LAMTOR2: variants seen among roughly 807,000 people sequenced by gnomAD.
LAMTOR2 encodes ragulator complex protein LAMTOR2.
Under a neutral mutation model 15.8 loss-of-function variants are expected in LAMTOR2, and 4 were observed. That is an observed-to-expected ratio of 0.25 (90% CI 0.12 to 0.58). The LOEUF (loss-of-function observed/expected upper bound fraction) is 0.58, where lower values mean the gene tolerates loss of function less well. Ranked by LOEUF, LAMTOR2 falls within the 20% of genes least tolerant of loss-of-function variation. LAMTOR2 has a pLI of 0.91. For synonymous variants in LAMTOR2, 62 were observed against 64.1 expected (o/e 0.97, Z 0.15); for missense variants, 100 against 161.0 (o/e 0.62, Z 2.05).
rs1331437745 is a variant in LAMTOR2, at chr1:156,058,417, G to C, written c.*46G>C. 1 of 1,605,780 alleles carries C rather than the reference G, an allele frequency of 6.2e-7. No individual in the cohort carries two copies. On this transcript the variant is annotated 3_prime_UTR_variant, in exon 4 of 4. Transcript: ENST00000368305. Reference sequence around the variant, plus strand: ...GTCAGAAAAGAGAAATGACCATTTGGAGGGGCGGGGCCTCCTAGAAGAACC... The same window carrying C: ...GTCAGAAAAGAGAAATGACCATTTGCAGGGGCGGGGCCTCCTAGAAGAACC...
chr1:156,057,921 G>A, intron 2 of LAMTOR2, 57 bp from the exon 3 acceptor site: 1 of 1,498,300 alleles, frequency 6.7e-7, no homozygotes, highest in East Asian at 2.3e-5. Context: ...CTTTGGGGAA[G>A]GAGGGTGCTA....
At position 156,055,288 on chromosome 1, in the gene LAMTOR2, C is replaced by T. The variant is rs1647305446; in HGVS notation, c.94C>T (p.Leu32=). ...GCTGCTGAATAACGAGGGATCACTG[C>T]TGGCCTACTCTGGTTACGGGGACAC... The part of the protein sequence containing the change: ...TLLLNNEGSL[L]AYSGYGDTDA... Residue 32 remains leucine (L), a synonymous_variant, in exon 2 of 4, where the codon CTG becomes TTG. Coordinates refer to ENST00000368305, the MANE Select transcript of LAMTOR2 (RefSeq NM_014017.4). This position sits in a 1 kb window ranked among gnomAD's most constrained non-coding sequence, Gnocchi z 4.8. 31 of 1,614,174 alleles carry T rather than the reference C, an allele frequency of 1.9e-5. No homozygotes were observed. Among genetic ancestry groups the T allele is most frequent in the Non-Finnish European group, 2.6e-5 (31 of 1,180,036 alleles).
Position 156,058,441 on chromosome 1 carries a change from C to G in LAMTOR2, c.*70C>G, listed in dbSNP as rs774611312. On this transcript the variant is annotated 3_prime_UTR_variant, in exon 4 of 4. Coordinates refer to ENST00000368305, the MANE Select transcript of LAMTOR2 (RefSeq NM_014017.4). ...GGAGGGGCGGGGCCTCCTAGAAGAA[C>G]CTTCTTAGACAATGGGGGGAGGATG... 1.3e-6 allele frequency: 2 copies of G among 1,527,978 alleles called. No individual in the cohort carries two copies. Among genetic ancestry groups the G allele is most frequent in the Non-Finnish European group, 1.8e-6 (2 of 1,102,606 alleles). The allele number at this position is 1,527,978 out of a possible 1,614,324, so 94.7% of individuals were successfully genotyped here.
intron 3 of LAMTOR2, 95 bp from the exon 4 acceptor site, chr1:156,058,220 G>A (rs1647435897): frequency 3.9e-6 from 6 of 1,556,036 alleles, no homozygotes; most frequent in Admixed American, 1.7e-5. Flanking sequence ...GGGGGTTGGG[G>A]GCTGGTTGCT....
chr1:156,057,499 A>G (rs1647415291), intron 2 of LAMTOR2, among the ~76,000 whole-genome samples: 1 of 134,576 alleles, frequency 7.4e-6, no homozygotes, highest in Non-Finnish European at 1.5e-5. Flanking sequence ...AATGCTGATC[A>G]ACCTTCTTAA....
chr1:156,058,171 C>T, intron 3 of LAMTOR2, 104 bp downstream of exon 3: 1 of 1,490,998 alleles, frequency 6.7e-7, no homozygotes, highest in Non-Finnish European at 9.4e-7. Flanking sequence ...CATGTCTACT[C>T]AGTCCATTTC....
At position 156,058,102 on chromosome 1, in the gene LAMTOR2, C is replaced by T. The variant is rs199671162; in HGVS notation, c.321+35C>T. The T allele has an allele frequency of 2.4e-5, 38 of 1,599,104 alleles. No homozygotes were observed. In the African/African-American group the frequency reaches 4.6e-4, roughly 19 times the overall value. On this transcript the variant is annotated intron_variant, in intron 3 of 3. Coordinates refer to ENST00000368305, the MANE Select transcript of LAMTOR2 (RefSeq NM_014017.4). Reference sequence around the variant, plus strand: ...TGCCCATCCCTCCATAGCCCTGGGCCCAGCCTTCGTGCTTCTACACTGTGT... The same window carrying T: ...TGCCCATCCCTCCATAGCCCTGGGCTCAGCCTTCGTGCTTCTACACTGTGT...
Position 156,058,318 on chromosome 1 carries a change from C to T in LAMTOR2, c.325C>T (p.Gln109Ter). The T allele has an allele frequency of 6.2e-7, 1 of 1,614,102 alleles. No homozygotes were observed. Among genetic ancestry groups the T allele is most frequent in the Middle Eastern group, 1.6e-4 (1 of 6,062 alleles). The stretch of plus-strand genomic sequence containing the variant: ...GATCTCTGTTCTCCCTCTGCAGGCC[C>T]AGGCTTTGGTGCAGTACCTGGAGGA... ...VGFGMLKAKA[Q>*]ALVQYLEEPL... is the part of the protein sequence containing the mutation. Residue 109 changes from glutamine to a stop codon, truncating the protein, a stop_gained, in exon 4 of 4, where the codon CAG becomes TAG. Coordinates refer to ENST00000368305, the MANE Select transcript of LAMTOR2 (RefSeq NM_014017.4). LOFTEE classifies it high-confidence loss of function.
At chr1:156,056,715 G>C (rs2102764789) in intron 2 of LAMTOR2, among the ~76,000 whole-genome samples, 1 of 152,220 alleles carries the variant, frequency 6.6e-6, no homozygotes, top group South Asian at 2.1e-4. Context: ...TTGGCCAGAA[G>C]GTGAACTCTC....
intron 2 of LAMTOR2, among the ~76,000 whole-genome samples, chr1:156,056,817 G>A (rs1382400050): frequency 1.3e-5 from 2 of 152,142 alleles, no homozygotes; most frequent in East Asian, 1.9e-4. Flanking sequence ...GACTCCTACT[G>A]GATGCCTAGA....
rs756924781 is a variant in LAMTOR2 at position 156,058,364 on chromosome 1, C to T, written c.371C>T (p.Ala124Val). ...YLEEPLTQVAAS is the reference protein window; with the variant it reads ...YLEEPLTQVAVS ...GAGGAGCCCCTCACCCAAGTGGCGGCATCTTAACGGCATTGGTGGAAGCTG... is the reference window on the plus strand; with the variant it reads ...GAGGAGCCCCTCACCCAAGTGGCGGTATCTTAACGGCATTGGTGGAAGCTG... The change falls in exon 4 of 4, where the codon GCA becomes GTA. Residue 124 changes from alanine to valine, a missense_variant. Physicochemically the swap from Ala to Val is moderately conservative, Grantham distance 64 (BLOSUM62 0). Transcript: ENST00000368305. 3.1e-6 allele frequency: 5 copies of T among 1,614,036 alleles called. No individual in the cohort carries two copies. The highest frequency in any genetic ancestry group is 4.2e-6 in the Non-Finnish European group (5 of 1,179,980).
intron 2 of LAMTOR2, among the ~76,000 whole-genome samples, chr1:156,056,681 GA>G (rs1465811719): frequency 6.6e-6 from 1 of 152,120 alleles, no homozygotes; most frequent in Non-Finnish European, 1.5e-5. Flanking sequence ...AAAGTTTGCT[GA>G]ACTTACTTTT....
intron 3 of LAMTOR2, 82 bp from the exon 4 acceptor site, chr1:156,058,233 C>G: frequency 6.3e-7 from 1 of 1,591,342 alleles, no homozygotes; most frequent in Non-Finnish European, 8.6e-7. Flanking sequence ...TGGTTGCTTC[C>G]TATGGCACTG....
rs552090098 is a variant in LAMTOR2, at chr1:156,058,339, G to A, written c.346G>A (p.Glu116Lys). Residue 116 changes from glutamate to lysine, a missense_variant, in exon 4 of 4, where the codon GAG (glutamate) becomes AAG (lysine). By Grantham distance (56) the Glu-to-Lys change is moderately conservative. Transcript: ENST00000368305. ...GGCCCAGGCTTTGGTGCAGTACCTG[G>A]AGGAGCCCCTCACCCAAGTGGCGGC... Reference protein sequence around the residue: ...AKAQALVQYLEEPLTQVAAS With the variant: ...AKAQALVQYLKEPLTQVAAS The A allele has an allele frequency of 3.7e-6, 6 of 1,614,102 alleles. No individual in the cohort carries two copies. In the South Asian group the frequency reaches 6.6e-5, roughly 18 times the overall value.
chr1:156,056,451 A>G (rs1647368746), intron 2 of LAMTOR2, among the ~76,000 whole-genome samples: 1 of 152,172 alleles, frequency 6.6e-6, no homozygotes, highest in Non-Finnish European at 1.5e-5. Context: ...CAATGATCTG[A>G]AGAAAGGTGG....
chr1:156,055,175 A>T lies in LAMTOR2; in HGVS notation c.69-88A>T. The T allele has an allele frequency of 5.8e-6, 9 of 1,560,386 alleles. No individual in the cohort carries two copies. The highest frequency in any genetic ancestry group is 7.0e-6 in the Non-Finnish European group (8 of 1,138,368). On this transcript the variant is annotated intron_variant, in intron 1 of 3. Coordinates refer to ENST00000368305, the MANE Select transcript of LAMTOR2 (RefSeq NM_014017.4). The surrounding 1 kb of genome is among the most constrained non-coding windows in gnomAD (Gnocchi z 4.8). The stretch of plus-strand genomic sequence containing the variant: ...CACGCTCAGGCCAGAGCCTTGCTGG[A>T]TGTGCCCTTGGTGGGACTTGGGATG...
Position 156,055,499 on chromosome 1 carries a change from G to A in LAMTOR2, c.231+74G>A, listed in dbSNP as rs1036203088. The stretch of plus-strand genomic sequence containing the variant: ...AGGGGGCGACCTGGACCCCATCCTG[G>A]ATGGTTGGAGGGGCAGGGACAGGAT... On this transcript the variant is annotated intron_variant, in intron 2 of 3. Coordinates refer to ENST00000368305, the MANE Select transcript of LAMTOR2 (RefSeq NM_014017.4). This position sits in a 1 kb window ranked among gnomAD's most constrained non-coding sequence, Gnocchi z 4.8. 12 of 1,563,562 alleles carry A rather than the reference G, an allele frequency of 7.7e-6. No individual in the cohort carries two copies. Among genetic ancestry groups the A allele is most frequent in the Non-Finnish European group, 9.7e-6 (11 of 1,136,380 alleles).
chr1:156,054,789 C>A lies in LAMTOR2; in HGVS notation c.-101C>A, dbSNP rs1357903653. The A allele has an allele frequency of 2.5e-6, 3 of 1,215,710 alleles. No homozygotes were observed. Among genetic ancestry groups the A allele is most frequent in the African/African-American group, 3.0e-5 (2 of 66,816 alleles). 75.3% of individuals were successfully genotyped at this position (1,215,710 alleles called of 1,614,324 possible). On this transcript the variant is annotated 5_prime_UTR_variant, in exon 1 of 4. Coordinates refer to ENST00000368305, the MANE Select transcript of LAMTOR2 (RefSeq NM_014017.4). ...GAAGAAACTACAACTCCCAGGGCGT[C>A]CCGGAGCAGGCCAACGGGACTACGG...
chr1:156,056,993 C>A (rs953611044), intron 2 of LAMTOR2, among the ~76,000 whole-genome samples: 10 of 151,838 alleles, frequency 6.6e-5, no homozygotes, highest in Non-Finnish European at 1.5e-4. Flanking sequence ...GCCTGGCCAA[C>A]ATGGTGAAAC....
Sources: allele counts gnomAD v4.1 joint callset (sites outside exome capture counted in the v4.1 genomes callset), GRCh38; gene constraint gnomAD v4.1.1; non-coding constraint Gnocchi (gnomAD v3.1); transcripts MANE v1.5; gene names NCBI Gene and HGNC (gene_info 2026-07-23, HGNC 2026-07-21).